BLVRB: variants seen among roughly 807,000 people sequenced by gnomAD.
BLVRB encodes the protein flavin reductase (NADPH).
A neutral mutation model predicts 21.1 loss-of-function variants in BLVRB; 25 were observed. The observed-to-expected ratio is 1.19, with a 90% CI of 0.86 to 1.66. The LOEUF (loss-of-function observed/expected upper bound fraction) is 1.66. Among genes scored for constraint, BLVRB ranks in the 40% most tolerant of loss-of-function variants. BLVRB has a pLI of 0.00. For synonymous variants in BLVRB, 128 were observed against 122.2 expected, an observed-to-expected ratio of 1.05 and a Z score of -0.31; for missense variants, 274 against 282.7, an observed-to-expected ratio of 0.97 and a Z score of 0.22.
chr19:40,453,700 A>ATT (rs2079750320), intron 3 of BLVRB, among the ~76,000 whole-genome samples: 1 of 152,140 alleles, frequency 6.6e-6, no homozygotes, highest in Admixed American at 6.6e-5. Flanking sequence ...GATGATATAA[A>ATT]TTGTTCAAAG....
At chr19:40,460,026 C>G (rs534378162) in intron 1 of BLVRB, among the ~76,000 whole-genome samples, 30 of 152,202 alleles carry the variant, frequency 2.0e-4, no homozygotes, top group Non-Finnish European at 3.5e-4. Context: ...GCCCCTGCTG[C>G]CCAGCCTTAC....
chr19:40,460,441 A>G (rs2079782194), intron 1 of BLVRB, among the ~76,000 whole-genome samples: 1 of 150,198 alleles, frequency 6.7e-6, no homozygotes, highest in Non-Finnish European at 1.5e-5. Context: ...CAGACTGGGC[A>G]ACATAGTGAA....
chr19:40,458,320 G>A (rs1382693499), intron 2 of BLVRB, 61 bp downstream of exon 2: 35 of 1,514,962 alleles, frequency 2.3e-5, no homozygotes, highest in East Asian at 2.2e-4. Flanking sequence ...GGCCGGGGGC[G>A]GGGGTGGCGC....
chr19:40,458,235 G>A lies in BLVRB; in HGVS notation c.254C>T (p.Thr85Ile), dbSNP rs1258740671. 1.2e-6 allele frequency: 2 copies of A among 1,613,190 alleles called. No individual in the cohort carries two copies. Among genetic ancestry groups the A allele is most frequent in the South Asian group, 2.2e-5 (2 of 90,862 alleles). ...LGTRNDLSPT[T>I]VMSEGARNIV... The stretch of plus-strand genomic sequence containing the variant: ...GTTCCGGGCGCCCTCGGACATCACT[G>A]TCGTGGGACCTTAGAGGGGACAGAG... The change falls in exon 3 of 5, where the codon ACA becomes ATA. Residue 85 changes from threonine to isoleucine, a missense_variant. By Grantham distance (89) the Thr-to-Ile change is moderately conservative (BLOSUM62 -1). Coordinates refer to ENST00000263368, the MANE Select transcript of BLVRB (RefSeq NM_000713.3).
chr19:40,462,131 A>C (rs2079790163), intron 1 of BLVRB, among the ~76,000 whole-genome samples: 1 of 152,010 alleles, frequency 6.6e-6, no homozygotes, highest in Non-Finnish European at 1.5e-5. Flanking sequence ...CCGTGATTGG[A>C]CCTCAGCTTC....
intron 1 of BLVRB, 38 bp from the exon 2 acceptor site, chr19:40,458,583 C>T: frequency 6.5e-7 from 1 of 1,541,178 alleles, no homozygotes; most frequent in Non-Finnish European, 8.8e-7. Context: ...GGTCAGTGGG[C>T]TGGCACTCTT....
In BLVRB at chr19:40,460,245, AACAT is replaced by A. The variant is rs1372586805; in HGVS notation, c.80-1704_80-1701del. ...TAACATTTGGGTATACTGTAATAGC[AACAT>A]ATATATATATATATATATATATATA... On this transcript the variant is annotated intron_variant, in intron 1 of 4. Coordinates refer to ENST00000263368, the MANE Select transcript of BLVRB (RefSeq NM_000713.3). Among the ~76,000 whole-genome samples the A allele has an allele frequency of 1.3e-4, 7 of 53,570 alleles. 1 individual carries two copies. Among genetic ancestry groups the A allele is most frequent in the Non-Finnish European group, 2.1e-4 (6 of 29,248 alleles). 35.1% of individuals were successfully genotyped at this position (53,570 alleles called of 152,430 possible). A position where few individuals can be genotyped will look rare whatever the true frequency, so the allele number is the denominator to read the frequency against.
intron 1 of BLVRB, among the ~76,000 whole-genome samples, chr19:40,462,182 G>C (rs2079790421): frequency 6.6e-6 from 1 of 152,054 alleles, no homozygotes; most frequent in African/African-American, 2.4e-5. Context: ...GCCTCCCCGT[G>C]CTATGTGACC....
Position 40,447,864 on chromosome 19 carries a change from C to G in BLVRB, c.*25G>C, listed in dbSNP as rs10281. Reference sequence around the variant, plus strand: ...CTTTGCTCCTCATGTCCCAGAATGCCACCCTCCCAGATGGGGACAGAGTGC... The same window carrying G: ...CTTTGCTCCTCATGTCCCAGAATGCGACCCTCCCAGATGGGGACAGAGTGC... On this transcript the variant is annotated 3_prime_UTR_variant, in exon 5 of 5. Coordinates refer to ENST00000263368, the MANE Select transcript of BLVRB (RefSeq NM_000713.3). The G allele has an allele frequency of 1.3e-6, 2 of 1,596,504 alleles. No individual in the cohort carries two copies. The highest frequency in any genetic ancestry group is 1.1e-5 in the South Asian group (1 of 90,360).
Position 40,451,469 on chromosome 19 carries a change from T to C in BLVRB, c.358A>G (p.Lys120Glu), listed in dbSNP as rs1259433824. 1 of 1,612,882 alleles carries C rather than the reference T, an allele frequency of 6.2e-7. No homozygotes were observed. Among genetic ancestry groups the C allele is most frequent in the Admixed American group, 1.7e-5 (1 of 59,884 alleles). ...ACAGCCTGCAGTCGTGGGGGCACCT[T>C]GGTAGGGTCCCAGAGCAGGAAAGCT... ...TSAFLLWDPT[K>E]VPPRLQAVTD... Residue 120 changes from lysine (K) to glutamate (E), a missense_variant, in exon 4 of 5, where the codon AAG (lysine) becomes GAG (glutamate). By Grantham distance (56) the Lys-to-Glu change is moderately conservative (BLOSUM62 1). Transcript: ENST00000263368.
Position 40,447,776 on chromosome 19 carries a change from G to A in BLVRB, c.*113C>T. 1 of 1,256,510 alleles carries A rather than the reference G, an allele frequency of 8.0e-7. No individual in the cohort carries two copies. Among genetic ancestry groups the A allele is most frequent in the East Asian group, 2.6e-5 (1 of 39,028 alleles). The allele number at this position is 1,256,510 out of a possible 1,614,324, so 77.8% of individuals were successfully genotyped here. ...TCAGACAGAGGCAGAGAGAGGAAGA[G>A]TCACACAGTCGGTTTCTCTAGAGTA... On this transcript the variant is annotated 3_prime_UTR_variant, in exon 5 of 5. Transcript: ENST00000263368.
intron 1 of BLVRB, among the ~76,000 whole-genome samples, 176 bp from the exon 2 acceptor site, chr19:40,458,721 T>G (rs2079773946): frequency 6.6e-6 from 1 of 152,084 alleles, no homozygotes; most frequent in African/African-American, 2.4e-5. Context: ...TGAGACAGGG[T>G]CTTGCTCACT....
chr19:40,462,343 A>C (rs561405314), intron 1 of BLVRB, among the ~76,000 whole-genome samples: 20 of 150,598 alleles, frequency 1.3e-4, no homozygotes, highest in African/African-American at 4.6e-4. Context: ...CAGTGGCGCA[A>C]TCTCAGCTCA....
chr19:40,457,368 T>C (rs1486312717), intron 3 of BLVRB: 3 of 152,138 alleles, frequency 2.0e-5, no homozygotes, highest in African/African-American at 7.2e-5. Flanking sequence ...TCATGCCACT[T>C]CCCTTTCCAG....
intron 1 of BLVRB, among the ~76,000 whole-genome samples, chr19:40,462,892 C>CA (rs56923063): frequency 0.34 from 17,165 of 49,882 alleles, 4,558 homozygotes; most frequent in Non-Finnish European, 0.39. Flanking sequence ...ACTCTTGTCT[C>CA]AAAAAAAAAA....
At position 40,447,846 on chromosome 19, in the gene BLVRB, C is replaced by T; in HGVS notation, c.*43G>A. ...ACATTTATTGCCCCCTTCCTTTGCT[C>T]CTCATGTCCCAGAATGCCACCCTCC... On this transcript the variant is annotated 3_prime_UTR_variant, in exon 5 of 5. Coordinates refer to ENST00000263368, the MANE Select transcript of BLVRB (RefSeq NM_000713.3). 1 of 1,592,148 alleles carries T rather than the reference C, an allele frequency of 6.3e-7. No homozygotes were observed. The highest frequency in any genetic ancestry group is 8.6e-7 in the Non-Finnish European group (1 of 1,162,654).
intron 4 of BLVRB, 89 bp downstream of exon 4, chr19:40,451,275 G>T (rs1357965223): frequency 2.0e-6 from 3 of 1,532,496 alleles, no homozygotes; most frequent in Non-Finnish European, 2.6e-6. Context: ...CAATTTTAGG[G>T]TGGTCAGGGA....
chr19:40,456,332 G>A (rs1259948769), intron 3 of BLVRB, among the ~76,000 whole-genome samples: 2 of 151,898 alleles, frequency 1.3e-5, no homozygotes, highest in African/African-American at 4.8e-5. Context: ...CTAAAGTGAG[G>A]GGATTCCTTG....
chr19:40,457,867 G>C (rs2079768429), intron 3 of BLVRB: 1 of 420,240 alleles, frequency 2.4e-6, no homozygotes. Context: ...TCCCATTGTG[G>C]CCCTATCCCC....
Sources: allele counts gnomAD v4.1 joint callset (sites outside exome capture counted in the v4.1 genomes callset), GRCh38; gene constraint gnomAD v4.1.1; transcripts MANE v1.5; gene names NCBI Gene and HGNC (gene_info 2026-07-23, HGNC 2026-07-21).